Variants in RALYL observed in about 807,000 individuals in gnomAD.
RALYL encodes RNA-binding Raly-like protein.
Under a neutral mutation model 35.1 loss-of-function variants are expected in RALYL, and 29 were observed. The observed-to-expected ratio is 0.83, with a 90% CI of 0.61 to 1.13. The LOEUF (loss-of-function observed/expected upper bound fraction) is 1.13, where lower values mean the gene tolerates loss of function less well. Ranked by LOEUF, RALYL falls within the 50% of genes most tolerant of loss-of-function variation. RALYL has a pLI of 0.00. For missense variants in RALYL, 359 were observed against 360.4 expected, an observed-to-expected ratio of 1.00 and a Z score of 0.03; for synonymous variants, 120 against 127.6, an observed-to-expected ratio of 0.94 and a Z score of 0.40.
chr8:84,758,594 G>T (rs1811975032), intron 2 of RALYL, among the ~76,000 whole-genome samples: 1 of 152,132 alleles, frequency 6.6e-6, no homozygotes, highest in South Asian at 2.1e-4. Flanking sequence ...GTGGGCCCTG[G>T]TTCTTCACCA....
chr8:84,589,144 C>T (rs1463224051), intron 2 of RALYL, among the ~76,000 whole-genome samples: 4 of 152,106 alleles, frequency 2.6e-5, no homozygotes, highest in East Asian at 1.9e-4. Flanking sequence ...ATGATCCGCC[C>T]GCCTCGGCCT....
At chr8:84,888,608 C>G (rs570100593) in intron 8 of RALYL, among the ~76,000 whole-genome samples, 1 of 152,170 alleles carries the variant, frequency 6.6e-6, no homozygotes, top group African/African-American at 2.4e-5. Context: ...AATACTGTAC[C>G]TTTAGTTACT....
intron 2 of RALYL, among the ~76,000 whole-genome samples, chr8:84,642,869 A>T (rs1489231016): frequency 6.6e-6 from 1 of 151,990 alleles, no homozygotes; most frequent in African/African-American, 2.4e-5. Flanking sequence ...ATCCTACTTT[A>T]TCTCCTGTCA....
intron 1 of RALYL, among the ~76,000 whole-genome samples, chr8:84,196,166 G>T (rs1196645649): frequency 1.3e-5 from 2 of 152,064 alleles, no homozygotes; most frequent in African/African-American, 4.8e-5. Flanking sequence ...GTTTTATTCT[G>T]AACCCATTTC....
chr8:84,669,168 T>C (rs1832688677), intron 2 of RALYL, among the ~76,000 whole-genome samples: 1 of 152,176 alleles, frequency 6.6e-6, no homozygotes, highest in Non-Finnish European at 1.5e-5. Context: ...GTGTTGGTTT[T>C]GTCAGATCAC....
intron 1 of RALYL, among the ~76,000 whole-genome samples, chr8:84,403,687 A>T (rs1390701120): frequency 4.0e-5 from 6 of 151,708 alleles, no homozygotes; most frequent in Admixed American, 6.6e-5. Context: ...GTTCCATATG[A>T]AATTTAAAGT....
At chr8:84,366,478 G>A (rs1563798145) in intron 1 of RALYL, among the ~76,000 whole-genome samples, 2 of 152,078 alleles carry the variant, frequency 1.3e-5, no homozygotes, top group Non-Finnish European at 2.9e-5. Flanking sequence ...GGAAAAGGAT[G>A]TTTAAAAGGT....
chr8:84,727,232 T>C (rs549943401), intron 2 of RALYL, among the ~76,000 whole-genome samples: 10,146 of 152,082 alleles, frequency 0.067, 771 homozygotes, highest in African/African-American at 0.19. Context: ...GTTGGGCATC[T>C]CTTAAGATGT....
intron 1 of RALYL, among the ~76,000 whole-genome samples, chr8:84,192,906 T>TGTGTG (rs899642407): frequency 5.0e-4 from 30 of 59,484 alleles, no homozygotes; most frequent in African/African-American, 2.4e-3. Context: ...TGTGTGTGTG[T>TGTGTG]GGGGGGGGGG....
intron 2 of RALYL, among the ~76,000 whole-genome samples, chr8:84,627,808 G>A (rs150314537): frequency 2.8e-3 from 423 of 151,970 alleles, no homozygotes; most frequent in Non-Finnish European, 4.6e-3. Flanking sequence ...TCTCACACCC[G>A]TCTGTTTCCT....
intron 1 of RALYL, among the ~76,000 whole-genome samples, chr8:84,443,950 G>A (rs1051275519): frequency 6.6e-6 from 1 of 152,094 alleles, no homozygotes; most frequent in African/African-American, 2.4e-5. Flanking sequence ...AATATTGTCA[G>A]TTTTCCTAAC....
intron 2 of RALYL, among the ~76,000 whole-genome samples, chr8:84,557,075 C>G (rs1211290778): frequency 1.3e-5 from 2 of 152,154 alleles, no homozygotes; most frequent in African/African-American, 4.8e-5. Flanking sequence ...CCTAACTTGT[C>G]ACAGTTTTCT....
At chr8:84,516,001 G>A (rs1213439021) in intron 1 of RALYL, among the ~76,000 whole-genome samples, 2 of 149,260 alleles carry the variant, frequency 1.3e-5, no homozygotes, top group Non-Finnish European at 3.0e-5. Flanking sequence ...TGCCTGGTTT[G>A]TGGTGGTCGG....
At chr8:84,808,930 A>G (rs1300202658) in intron 4 of RALYL, among the ~76,000 whole-genome samples, 2 of 152,170 alleles carry the variant, frequency 1.3e-5, no homozygotes, top group African/African-American at 4.8e-5. Context: ...TTTTCAAGGA[A>G]AACAATCATA....
intron 2 of RALYL, among the ~76,000 whole-genome samples, chr8:84,577,198 G>A (rs1410906475): frequency 6.6e-6 from 1 of 152,356 alleles, no homozygotes; most frequent in Middle Eastern, 3.4e-3. Context: ...GAAGGAAACA[G>A]TCAATCTCAC....
chr8:84,775,397 A>AT (rs1263622220), intron 3 of RALYL, among the ~76,000 whole-genome samples: 5 of 152,254 alleles, frequency 3.3e-5, no homozygotes, highest in East Asian at 3.9e-4. Context: ...TTTCTTAGTG[A>AT]TTTTTTCAAG....
chr8:84,319,622 T>C (rs1203755768), intron 1 of RALYL, among the ~76,000 whole-genome samples: 2 of 152,132 alleles, frequency 1.3e-5, no homozygotes, highest in Admixed American at 6.5e-5. Context: ...TTCCACTTCT[T>C]TAATCATAGC....
intron 2 of RALYL, among the ~76,000 whole-genome samples, chr8:84,533,056 A>C (rs1043061646): frequency 6.6e-6 from 1 of 152,128 alleles, no homozygotes; most frequent in Non-Finnish European, 1.5e-5. Flanking sequence ...TCTATCTATG[A>C]AATTATTCAT....
In RALYL at chr8:84,696,378, A is replaced by T. The variant is rs551533025; in HGVS notation, c.257-78201A>T. ...AAATTTTTTTCCTCATCGAATCAAG[A>T]TTAGGTAGTCACAAGCTGAAATCTT... On this transcript the variant is annotated intron_variant, in intron 2 of 8. Transcript: ENST00000521268. 1.1e-4 allele frequency among the ~76,000 whole-genome samples: 16 copies of T among 152,036 alleles called. No individual in the cohort carries two copies. In the South Asian group the frequency reaches 3.3e-3, roughly 32 times the overall value.
Sources: allele counts gnomAD v4.1 joint callset (sites outside exome capture counted in the v4.1 genomes callset), GRCh38; gene constraint gnomAD v4.1.1; transcripts MANE v1.5; gene names NCBI Gene and HGNC (gene_info 2026-07-23, HGNC 2026-07-21).